ADAMTSL1: variants seen among roughly 807,000 people sequenced by gnomAD.
The protein encoded by ADAMTSL1 is ADAMTS like 1.
In ADAMTSL1, 126 loss-of-function variants were observed where a neutral mutation model predicts 201.8. That is an observed-to-expected ratio of 0.62 (90% CI 0.54 to 0.72). The LOEUF (loss-of-function observed/expected upper bound fraction) is 0.72. Ranked by LOEUF, ADAMTSL1 falls within the 30% of genes least tolerant of loss-of-function variation. The pLI, the probability that ADAMTSL1 is intolerant of heterozygous loss-of-function variation, is 0.00. For synonymous variants in ADAMTSL1, 1,121 were observed against 903.4 expected (o/e 1.24, Z -4.32); for missense variants, 2,679 against 2,277.8 (o/e 1.18, Z -3.59).
intron 1 of ADAMTSL1, among the ~76,000 whole-genome samples, chr9:18,018,543 T>C (rs1820351932): frequency 6.6e-6 from 1 of 152,078 alleles, no homozygotes; most frequent in Non-Finnish European, 1.5e-5. Flanking sequence ...GTTCCCTCAC[T>C]CACCCTTTGA....
At chr9:17,977,201 T>A (rs142016230) in intron 1 of ADAMTSL1, among the ~76,000 whole-genome samples, 1 of 152,156 alleles carries the variant, frequency 6.6e-6, no homozygotes, top group Non-Finnish European at 1.5e-5. Flanking sequence ...ATGATCCTTT[T>A]AATGTGCTGT....
chr9:18,315,462 G>T (rs56815370), intron 2 of ADAMTSL1, among the ~76,000 whole-genome samples: 4,333 of 152,202 alleles, frequency 0.028, 211 homozygotes, highest in African/African-American at 0.099. Flanking sequence ...CGGGCATTGG[G>T]GGCTGCAGGT....
intron 2 of ADAMTSL1, among the ~76,000 whole-genome samples, chr9:18,401,964 C>G (rs1818003808): frequency 1.3e-5 from 2 of 152,170 alleles, no homozygotes; most frequent in African/African-American, 4.8e-5. Context: ...ATATACATTT[C>G]TCATATCGCA....
chr9:18,052,825 C>G (rs764773454), intron 1 of ADAMTSL1, among the ~76,000 whole-genome samples: 4 of 152,022 alleles, frequency 2.6e-5, no homozygotes, highest in Admixed American at 2.6e-4. Context: ...GAAATCAGAG[C>G]AGGAAATTCT....
chr9:17,990,005 A>G (rs1819086417), intron 1 of ADAMTSL1, among the ~76,000 whole-genome samples: 1 of 151,544 alleles, frequency 6.6e-6, no homozygotes, highest in South Asian at 2.1e-4. Context: ...AGGTAAGTTC[A>G]TGTTAGGGCA....
chr9:18,091,708 G>A (rs1824025831), intron 1 of ADAMTSL1, among the ~76,000 whole-genome samples: 1 of 152,082 alleles, frequency 6.6e-6, no homozygotes, highest in African/African-American at 2.4e-5. Context: ...TGAACTTATA[G>A]AGCAATGTGG....
intron 1 of ADAMTSL1, among the ~76,000 whole-genome samples, chr9:18,064,954 A>ATTTTTTTTTTTTTTTTTTTTTTTT (rs563021690): frequency 2.9e-5 from 2 of 69,014 alleles, no homozygotes; most frequent in Non-Finnish European, 5.1e-5. Flanking sequence ...TTTGCTAAAG[A>ATTTTTTTTTTTTTTTTTTTTTTTT]TTTTTTTTTT....
chr9:18,258,719 C>T lies in ADAMTSL1; in HGVS notation c.207+94738C>T, dbSNP rs535542004. On this transcript the variant is annotated intron_variant, in intron 2 of 29. Transcript: ENST00000680146. The stretch of plus-strand genomic sequence containing the variant: ...GTAGCGCTTCTGTGTGCTTACATTG[C>T]TCTCTCAAATGAACCAACAAAGCCT... Among the ~76,000 whole-genome samples the T allele has an allele frequency of 3.9e-5, 6 of 152,272 alleles. No homozygotes were observed. In the South Asian group the frequency reaches 1.0e-3, roughly 26 times the overall value.
intron 15 of ADAMTSL1, among the ~76,000 whole-genome samples, chr9:18,736,652 G>T (rs1319005238): frequency 1.3e-5 from 2 of 152,164 alleles, no homozygotes; most frequent in Non-Finnish European, 2.9e-5. Flanking sequence ...ACCACACATG[G>T]TCTTACTGCA....
intron 2 of ADAMTSL1, among the ~76,000 whole-genome samples, chr9:18,339,451 AT>A (rs2132954272): frequency 6.6e-6 from 1 of 152,322 alleles, no homozygotes; most frequent in South Asian, 2.1e-4. Flanking sequence ...AAGTAAAAAA[AT>A]AACAGATGGT....
chr9:18,039,727 T>G (rs368985869), intron 1 of ADAMTSL1, among the ~76,000 whole-genome samples: 5 of 152,314 alleles, frequency 3.3e-5, no homozygotes, highest in South Asian at 2.1e-4. Context: ...ATGCCTTCTT[T>G]CAGCCTGTTT....
chr9:18,347,192 A>G (rs549263223), intron 2 of ADAMTSL1, among the ~76,000 whole-genome samples: 2 of 152,300 alleles, frequency 1.3e-5, no homozygotes, highest in South Asian at 4.1e-4. Context: ...GCTTATATTT[A>G]TCCTCTTCCA....
intron 15 of ADAMTSL1, among the ~76,000 whole-genome samples, chr9:18,743,471 T>G (rs573302459): frequency 1.3e-5 from 2 of 152,298 alleles, no homozygotes; most frequent in Admixed American, 1.3e-4. Context: ...TTGGTAACAT[T>G]GATTTTATTT....
At chr9:18,891,338 T>TTTTG (rs971434605) in intron 25 of ADAMTSL1, among the ~76,000 whole-genome samples, 2 of 152,092 alleles carry the variant, frequency 1.3e-5, no homozygotes, top group African/African-American at 4.8e-5. Context: ...TTTTTAACCG[T>TTTTG]TTTGTTAGAT....
At chr9:18,175,339 C>G (rs553315559) in intron 2 of ADAMTSL1, among the ~76,000 whole-genome samples, 1 of 152,336 alleles carries the variant, frequency 6.6e-6, no homozygotes, top group African/African-American at 2.4e-5. Context: ...TCCACAAACA[C>G]CAGCTGGCTG....
chr9:18,004,483 G>A (rs74707437), intron 1 of ADAMTSL1, among the ~76,000 whole-genome samples: 1,558 of 152,126 alleles, frequency 0.01, 22 homozygotes, highest in African/African-American at 0.036. Flanking sequence ...AAGCAAAGGC[G>A]GGGACCTGCC....
intron 1 of ADAMTSL1, among the ~76,000 whole-genome samples, chr9:18,089,636 G>C (rs58601904): frequency 0.052 from 7,980 of 152,210 alleles, 512 homozygotes; most frequent in African/African-American, 0.14. Context: ...GATGAAACTT[G>C]AGAACATTAT....
intron 2 of ADAMTSL1, among the ~76,000 whole-genome samples, chr9:18,398,816 T>C (rs1817848976): frequency 6.6e-6 from 1 of 152,174 alleles, no homozygotes; most frequent in African/African-American, 2.4e-5. Context: ...ATTCCCTCCA[T>C]CAATAAAAAG....
chr9:18,127,794 A>T (rs1458853008), intron 1 of ADAMTSL1, among the ~76,000 whole-genome samples: 2 of 152,098 alleles, frequency 1.3e-5, no homozygotes, highest in Non-Finnish European at 2.9e-5. Flanking sequence ...GAAACTTGCC[A>T]TGTTTTGGAA....
Sources: gnomAD v4.1 joint callset for allele counts (sites outside exome capture counted in the v4.1 genomes callset) on GRCh38, gnomAD v4.1.1 for gene constraint, MANE v1.5 for transcripts, NCBI Gene and HGNC (gene_info 2026-07-23, HGNC 2026-07-21) for gene names.